The following CHLSN variants were observed in gnomAD, a reference collection of about 807,000 sequenced individuals.
CHLSN encodes the protein protein cholesin.
At chr7:1,058,777 C>G in the CHLSN span, 5 of 505,836 alleles carry the variant, frequency 9.9e-6, no homozygotes, top group African/African-American at 9.5e-5. Flanking sequence ...CCGCAAAAGC[C>G]TCCTCGCCTT....
At chr7:992,606 C>T in the CHLSN span, among the ~76,000 whole-genome samples, 127 of 152,384 alleles carry the variant, frequency 8.3e-4, no homozygotes, top group South Asian at 2.9e-3. Context: ...TGTCCTGAAG[C>T]TCCTCCCTCG....
At chr7:993,677 G>A in the CHLSN span, among the ~76,000 whole-genome samples, 2 of 152,228 alleles carry the variant, frequency 1.3e-5, no homozygotes, top group African/African-American at 4.8e-5. Context: ...TCAGGAGGCT[G>A]AGGGAGGAGA....
chr7:1,095,856 C>T, the CHLSN span, among the ~76,000 whole-genome samples: 1 of 152,276 alleles, frequency 6.6e-6, no homozygotes, highest in Non-Finnish European at 1.5e-5. Context: ...AGAAATCATA[C>T]AGGGCTGGGG....
the CHLSN span, among the ~76,000 whole-genome samples, chr7:1,016,630 A>G: frequency 7.9e-6 from 1 of 126,726 alleles, no homozygotes; most frequent in South Asian, 2.5e-4. Flanking sequence ...AGAGCACAGT[A>G]GCGCACGCCA....
the CHLSN span, among the ~76,000 whole-genome samples, chr7:1,091,033 A>G: frequency 3.3e-5 from 5 of 152,256 alleles, no homozygotes; most frequent in South Asian, 1.0e-3. Context: ...AGCTGCTGAA[A>G]TGCATTTTCC....
At chr7:997,405 T>C in the CHLSN span, 30 of 510,784 alleles carry the variant, frequency 5.9e-5, no homozygotes, top group Non-Finnish European at 9.8e-5. Flanking sequence ...CTGCCATCAC[T>C]GTCACAGCCG....
At chr7:1,087,127 G>C in the CHLSN span, 6 of 152,254 alleles carry the variant, frequency 3.9e-5, no homozygotes, top group African/African-American at 1.4e-4. Flanking sequence ...CAGTTCAGCG[G>C]CCCCGAGAGT....
the CHLSN span, among the ~76,000 whole-genome samples, chr7:1,011,426 GAAACACCCACACACCCAA>G: frequency 1.6e-5 from 1 of 62,376 alleles, no homozygotes; most frequent in East Asian, 3.6e-4. Flanking sequence ...CAGACACCCA[GAAACACCCACACACCCAA>G]ACACGCCCAC....
the CHLSN span, among the ~76,000 whole-genome samples, chr7:1,083,474 A>G: frequency 6.6e-6 from 1 of 152,020 alleles, no homozygotes; most frequent in Admixed American, 6.5e-5. Flanking sequence ...AAAAAATACA[A>G]AAAATTAGCC....
the CHLSN span, chr7:1,055,484 G>A: frequency 8.8e-6 from 4 of 456,350 alleles, no homozygotes; most frequent in South Asian, 6.2e-5. Context: ...CAAAGTAAAG[G>A]TGAGAGCCTG....
At chr7:1,095,317 C>A in the CHLSN span, among the ~76,000 whole-genome samples, 1 of 143,676 alleles carries the variant, frequency 7.0e-6, no homozygotes, top group Non-Finnish European at 1.5e-5. Context: ...ACAACAATAC[C>A]CAGGACAGTC....
chr7:1,127,425 G>A, the CHLSN span: 1 of 1,574,026 alleles, frequency 6.4e-7, no homozygotes, highest in East Asian at 2.2e-5. Flanking sequence ...ACAAGGAAAT[G>A]AAAGGCTTAA....
At chr7:981,649 G>T in the CHLSN span, among the ~76,000 whole-genome samples, 4 of 152,232 alleles carry the variant, frequency 2.6e-5, no homozygotes, top group African/African-American at 9.6e-5. Flanking sequence ...GGGAGGCGGA[G>T]GTTGCAGTGA....
chr7:988,572 C>T, the CHLSN span: 1 of 1,597,260 alleles, frequency 6.3e-7, no homozygotes. Flanking sequence ...GGGGAGGTCC[C>T]CACCCCTCCC....
the CHLSN span, among the ~76,000 whole-genome samples, chr7:990,015 G>C: frequency 3.1e-5 from 1 of 32,726 alleles, no homozygotes; most frequent in Non-Finnish European, 5.7e-5. Flanking sequence ...TGAGTGGCGC[G>C]TGTGCTGGGG....
chr7:1,113,109 A>ACGCACACACC, the CHLSN span, among the ~76,000 whole-genome samples: 1 of 151,842 alleles, frequency 6.6e-6, no homozygotes, highest in Non-Finnish European at 1.5e-5. Flanking sequence ...GCGCACACAC[A>ACGCACACACC]CGCACACACC....
the CHLSN span, among the ~76,000 whole-genome samples, chr7:990,510 T>G: frequency 6.6e-6 from 1 of 151,316 alleles, no homozygotes; most frequent in Admixed American, 6.6e-5. Context: ...CATTCCCACC[T>G]GCGCCACGTG....
the CHLSN span, among the ~76,000 whole-genome samples, chr7:1,060,598 C>G: frequency 2.6e-5 from 4 of 152,214 alleles, no homozygotes; most frequent in African/African-American, 9.6e-5. Context: ...TTATTCATCA[C>G]GTGCTGCAAG....
chr7:1,125,975 T>C, the CHLSN span, among the ~76,000 whole-genome samples: 1 of 152,298 alleles, frequency 6.6e-6, no homozygotes, highest in East Asian at 1.9e-4. Flanking sequence ...ACTTGGTGGG[T>C]CAAAAAATTT....
Sources: allele counts gnomAD v4.1 joint callset (sites outside exome capture counted in the v4.1 genomes callset), GRCh38; gene constraint gnomAD v4.1.1; transcripts MANE v1.5; gene names NCBI Gene and HGNC (gene_info 2026-07-23, HGNC 2026-07-21).